NRCAM: variants seen among roughly 807,000 people sequenced by gnomAD.
NRCAM encodes neuronal cell adhesion molecule, also known as NgCAM-related cell adhesion molecule.
In NRCAM, 83 loss-of-function variants were observed where a neutral mutation model predicts 156.5. The ratio of observed to expected loss-of-function variants is 0.53; its 90% CI spans 0.44 to 0.64. The LOEUF (loss-of-function observed/expected upper bound fraction) is 0.64, where lower values mean the gene tolerates loss of function less well. Among genes scored for constraint, NRCAM ranks in the 30% least tolerant of loss-of-function variants. The probability of loss-of-function intolerance (pLI) is 0.00; values close to 1 mark genes in which losing one functional copy is unlikely to be tolerated. For synonymous variants in NRCAM, 538 were observed against 563.9 expected, an observed-to-expected ratio of 0.95 and a Z score of 0.65; for missense variants, 1,417 against 1,597.3, an observed-to-expected ratio of 0.89 and a Z score of 1.92.
At chr7:108,230,951 C>T in intron 8 of NRCAM, 80 bp downstream of exon 8, 1 of 1,116,518 alleles carries the variant, frequency 9.0e-7, no homozygotes, top group Middle Eastern at 2.3e-4. Flanking sequence ...TTTTATGAAT[C>T]ATAAGAGGTA....
At chr7:108,448,055 C>G (rs935500051) in intron 1 of NRCAM, among the ~76,000 whole-genome samples, 1 of 152,188 alleles carries the variant, frequency 6.6e-6, no homozygotes. Context: ...CCCTTGACAT[C>G]TATTTACCTT....
intron 3 of NRCAM, among the ~76,000 whole-genome samples, chr7:108,305,398 G>T (rs1356496624): frequency 6.6e-6 from 1 of 152,128 alleles, no homozygotes; most frequent in Non-Finnish European, 1.5e-5. Context: ...TATTTGTCAA[G>T]ATCCTTCTCA....
At chr7:108,276,874 G>C (rs1423667266) in intron 3 of NRCAM, among the ~76,000 whole-genome samples, 3 of 152,096 alleles carry the variant, frequency 2.0e-5, no homozygotes, top group South Asian at 2.1e-4. Flanking sequence ...TGGCGGTACT[G>C]GTTGTTCATT....
chr7:108,414,641 G>A (rs1241105548), intron 1 of NRCAM, among the ~76,000 whole-genome samples: 1 of 152,200 alleles, frequency 6.6e-6, no homozygotes, highest in African/African-American at 2.4e-5. Context: ...ATTGTTCAGT[G>A]TTTTAGAAAA....
intron 2 of NRCAM, among the ~76,000 whole-genome samples, chr7:108,341,562 T>C (rs1014537487): frequency 2.0e-5 from 3 of 152,044 alleles, no homozygotes; most frequent in Non-Finnish European, 2.9e-5. Flanking sequence ...CACCTGAACA[T>C]AGGAGAAGGA....
At chr7:108,445,907 A>T (rs190216317) in intron 1 of NRCAM, among the ~76,000 whole-genome samples, 1 of 152,224 alleles carries the variant, frequency 6.6e-6, no homozygotes, top group Non-Finnish European at 1.5e-5. Flanking sequence ...AAGCTACAGC[A>T]TGAGAGCTTC....
At chr7:108,214,948 A>T (rs1226799325) in intron 11 of NRCAM, among the ~76,000 whole-genome samples, 1 of 152,202 alleles carries the variant, frequency 6.6e-6, no homozygotes, top group Non-Finnish European at 1.5e-5. Context: ...ATTTGATTGC[A>T]GTGTGGTCTG....
Position 108,419,174 on chromosome 7 carries a change from A to G in NRCAM, c.-331-19581T>C, listed in dbSNP as rs75525591. 5.0e-3 allele frequency among the ~76,000 whole-genome samples: 767 copies of G among 152,322 alleles called. 3 individuals are homozygous for G. Among genetic ancestry groups the G allele is most frequent in the Non-Finnish European group, 8.2e-3 (560 of 68,018 alleles). On this transcript the variant is annotated intron_variant, in intron 1 of 32. Coordinates refer to ENST00000379028, the MANE Select transcript of NRCAM (RefSeq NM_001037132.4). Reference sequence around the variant, plus strand: ...CCTCATCCCCGTAACTGTTCTTAGAAGATAACGTTAGTCATTGTATTCCTA... The same window carrying G: ...CCTCATCCCCGTAACTGTTCTTAGAGGATAACGTTAGTCATTGTATTCCTA...
Position 108,191,831 on chromosome 7 carries a change from G to A in NRCAM, c.1801C>T (p.Leu601=). 6.2e-7 allele frequency: 1 copy of A among 1,613,680 alleles called. No homozygotes were observed. The highest frequency in any genetic ancestry group is 8.5e-7 in the Non-Finnish European group (1 of 1,179,998). The change falls in exon 18 of 33, where the codon CTA becomes TTA. Residue 601 remains leucine (L), a synonymous_variant. Coordinates refer to ENST00000379028, the MANE Select transcript of NRCAM (RefSeq NM_001037132.4). The stretch of plus-strand genomic sequence containing the variant: ...TCGTCACTGACATCAGCTACCACTA[G>A]ATGATCCTTGTCAACAGTGAACCTG... ...DERFTVDKDH[L]VVADVSDDDS...
intron 1 of NRCAM, among the ~76,000 whole-genome samples, chr7:108,433,939 AAC>A (rs1356603985): frequency 6.6e-6 from 1 of 152,208 alleles, no homozygotes; most frequent in East Asian, 1.9e-4. Context: ...AGCCTTCACA[AAC>A]ACACACAGTG....
At chr7:108,230,421 G>T (rs972359478) in intron 8 of NRCAM, among the ~76,000 whole-genome samples, 1 of 152,130 alleles carries the variant, frequency 6.6e-6, no homozygotes, top group African/African-American at 2.4e-5. Flanking sequence ...CAACTGAAGT[G>T]ATACTGTTAC....
intron 7 of NRCAM, among the ~76,000 whole-genome samples, chr7:108,231,990 T>C (rs2094394640): frequency 6.6e-6 from 1 of 152,206 alleles, no homozygotes; most frequent in African/African-American, 2.4e-5. Context: ...CATATCATAC[T>C]GAATTTATTT....
rs758215965 is a variant in NRCAM at position 108,425,334 on chromosome 7, C to G, written c.-331-25741G>C. Among the ~76,000 whole-genome samples the G allele has an allele frequency of 1.2e-3, 190 of 152,242 alleles. 3 individuals are homozygous for G. Among genetic ancestry groups the G allele is most frequent in the Non-Finnish European group, 3.8e-4 (26 of 68,010 alleles). On this transcript the variant is annotated intron_variant, in intron 1 of 32. Transcript: ENST00000379028. ...TCCAAATTCATTTTGATTATTTTCT[C>G]CCAATATACATGGAGACTGACACCC...
At chr7:108,378,803 G>A (rs188797374) in intron 2 of NRCAM, among the ~76,000 whole-genome samples, 19 of 148,808 alleles carry the variant, frequency 1.3e-4, no homozygotes, top group Admixed American at 8.1e-4. Flanking sequence ...AAAAAGGAAG[G>A]ACAAAGTAGG....
chr7:108,267,635 GA>G (rs1320760968), intron 3 of NRCAM, among the ~76,000 whole-genome samples: 1 of 152,128 alleles, frequency 6.6e-6, no homozygotes, highest in Admixed American at 6.5e-5. Context: ...ATTTGAATTG[GA>G]ACCCTGCATT....
In NRCAM at chr7:108,386,982, CAG is replaced by C. The variant is rs543785804; in HGVS notation, c.-174+12452_-174+12453del. On this transcript the variant is annotated intron_variant, in intron 2 of 32. Transcript: ENST00000379028. ...TCTTCCAGTGTTTTATTGTCAAAAG[CAG>C]AGGAGTTCCCTTGATATAAATCTAA... is the stretch of plus-strand genomic sequence containing the variant. Among the ~76,000 whole-genome samples, 42 of 152,218 alleles carry C rather than the reference CAG, an allele frequency of 2.8e-4. No individual in the cohort carries two copies. The Middle Eastern group carries it at 0.01, about 37-fold the overall frequency.
chr7:108,452,738 T>G (rs1276518012), intron 1 of NRCAM, among the ~76,000 whole-genome samples: 1 of 152,230 alleles, frequency 6.6e-6, no homozygotes, highest in Non-Finnish European at 1.5e-5. Context: ...CTAAAGAATA[T>G]GTTAGAAGCT....
chr7:108,437,431 A>G (rs1833594441), intron 1 of NRCAM, among the ~76,000 whole-genome samples: 1 of 152,246 alleles, frequency 6.6e-6, no homozygotes, highest in African/African-American at 2.4e-5. Flanking sequence ...CTAAAAGAGT[A>G]TAATTAGATA....
At chr7:108,343,244 G>T (rs1230586072) in intron 2 of NRCAM, among the ~76,000 whole-genome samples, 1 of 152,202 alleles carries the variant, frequency 6.6e-6, no homozygotes, top group Non-Finnish European at 1.5e-5. Context: ...GAAGGAAAAA[G>T]GGTAAATATA....
Sources: allele counts gnomAD v4.1 joint callset (sites outside exome capture counted in the v4.1 genomes callset), GRCh38; gene constraint gnomAD v4.1.1; transcripts MANE v1.5; gene names NCBI Gene and HGNC (gene_info 2026-07-23, HGNC 2026-07-21).